The following EIF3A variants were observed in gnomAD, a reference collection of about 807,000 sequenced individuals.
EIF3A encodes eukaryotic translation initiation factor 3 subunit A, also known as EIF3, p180 subunit.
In EIF3A, 21 loss-of-function variants were observed where a neutral mutation model predicts 186.6. The ratio of observed to expected loss-of-function variants is 0.11; its 90% CI spans 0.08 to 0.16. The LOEUF is 0.16. Among genes scored for constraint, EIF3A ranks in the 10% least tolerant of loss-of-function variants. The pLI is 1.00. For missense variants in EIF3A, 1,306 were observed against 1,796.3 expected (o/e 0.73, Z 4.93); for synonymous variants, 563 against 584.3 (o/e 0.96, Z 0.52).
intron 14 of EIF3A, among the ~76,000 whole-genome samples, chr10:119,052,012 G>A (rs1848363013): frequency 6.6e-6 from 1 of 152,172 alleles, no homozygotes; most frequent in South Asian, 2.1e-4. Flanking sequence ...ACTAAAGGAT[G>A]GGGTGACTAT....
In EIF3A at chr10:119,037,391, G is replaced by T. The variant is rs140533751; in HGVS notation, c.3729-82C>A. 5.2e-4 allele frequency: 647 copies of T among 1,253,832 alleles called. 2 individuals carry two copies. In the African/African-American group the frequency reaches 8.5e-3, roughly 16 times the overall value. The allele number at this position is 1,253,832 out of a possible 1,614,324, so 77.7% of individuals were successfully genotyped here. ...ATAAGTACATCCAGTCCAAGCTGGGGCTTAGAGTTTACAAATATAACAGAC... is the reference window on the plus strand; with the variant it reads ...ATAAGTACATCCAGTCCAAGCTGGGTCTTAGAGTTTACAAATATAACAGAC... On this transcript the variant is annotated intron_variant, in intron 20 of 21. Coordinates refer to ENST00000369144, the MANE Select transcript of EIF3A (RefSeq NM_003750.4).
In EIF3A at chr10:119,065,475, A is replaced by C. The variant is rs750814731; in HGVS notation, c.1046T>G (p.Val349Gly). 68 of 1,613,552 alleles carry C rather than the reference A, an allele frequency of 4.2e-5. No homozygotes were observed. The highest frequency in any genetic ancestry group is 5.7e-5 in the Non-Finnish European group (67 of 1,179,588). ...ARLLDMDGII[V>G]EKQRRLATLL... Reference sequence around the variant, plus strand: ...TGTTGCAAGGCGACGCTGTTTTTCAACTATAATGCCATCCATATCCAGAAG... The same window carrying C: ...TGTTGCAAGGCGACGCTGTTTTTCACCTATAATGCCATCCATATCCAGAAG... The change falls in exon 7 of 22, where the codon GTT becomes GGT. Residue 349 changes from valine (V) to glycine (G), a missense_variant. Transcript: ENST00000369144.
intron 14 of EIF3A, among the ~76,000 whole-genome samples, chr10:119,055,807 A>G (rs969952477): frequency 1.3e-5 from 2 of 152,242 alleles, no homozygotes; most frequent in Admixed American, 1.3e-4. Flanking sequence ...AGGCATTTTC[A>G]TCCTTAAAAA....
chr10:119,067,645 G>A (rs540302418), intron 6 of EIF3A, among the ~76,000 whole-genome samples: 1 of 152,174 alleles, frequency 6.6e-6, no homozygotes, highest in East Asian at 1.9e-4. Context: ...ACAAAGAAGA[G>A]AAAGAAAGAA....
chr10:119,060,722 C>G (rs1310905675), intron 9 of EIF3A, 24 bp downstream of exon 9: 1 of 1,568,544 alleles, frequency 6.4e-7, no homozygotes, highest in Non-Finnish European at 8.6e-7. Flanking sequence ...CATCACAAAA[C>G]TTTTTTTATT....
intron 19 of EIF3A, among the ~76,000 whole-genome samples, chr10:119,038,722 G>A (rs1018928931): frequency 6.6e-6 from 1 of 152,056 alleles, no homozygotes. Context: ...TCAGGAATTC[G>A]AGACCAGCCT....
chr10:119,036,693 G>A (rs1353210295), intron 21 of EIF3A, among the ~76,000 whole-genome samples: 1 of 152,026 alleles, frequency 6.6e-6, no homozygotes, highest in East Asian at 1.9e-4. Context: ...ATAACAGGAT[G>A]TCAAGACATA....
chr10:119,046,146 T>A (rs1247619601), intron 17 of EIF3A, among the ~76,000 whole-genome samples: 5 of 152,110 alleles, frequency 3.3e-5, no homozygotes, highest in Admixed American at 6.6e-5. Context: ...AAACACAGTC[T>A]TAGGGACAGT....
chr10:119,073,423 G>C lies in EIF3A; in HGVS notation c.377+18C>G, dbSNP rs775404400. Reference sequence around the variant, plus strand: ...AAGTTAACTATCAAAGCATTTATTAGAGGTCTAACCCACATACCTCTCAGG... The same window carrying C: ...AAGTTAACTATCAAAGCATTTATTACAGGTCTAACCCACATACCTCTCAGG... On this transcript the variant is annotated intron_variant, in intron 3 of 21. Transcript: ENST00000369144. 2 of 1,541,000 alleles carry C rather than the reference G, an allele frequency of 1.3e-6. No individual in the cohort carries two copies. The highest frequency in any genetic ancestry group is 8.8e-7 in the Non-Finnish European group (1 of 1,132,456).
Position 119,035,983 on chromosome 10 carries a change from C to G in EIF3A, c.*56G>C. 1 of 1,305,380 alleles carries G rather than the reference C, an allele frequency of 7.7e-7. No homozygotes were observed. The highest frequency in any genetic ancestry group is 1.7e-5 in the Admixed American group (1 of 58,502). The allele number at this position is 1,305,380 out of a possible 1,614,324, so 80.9% of individuals were successfully genotyped here. On this transcript the variant is annotated 3_prime_UTR_variant, in exon 22 of 22. Transcript: ENST00000369144. ...TTGGTTGAAGCACAAGTATAATAAT[C>G]CTTGAATGTGATCAAACCTATTTAA...
chr10:119,051,328 G>T lies in EIF3A; in HGVS notation c.2197-7C>A. 6.4e-7 allele frequency: 1 copy of T among 1,565,714 alleles called. No individual in the cohort carries two copies. The highest frequency in any genetic ancestry group is 8.6e-7 in the Non-Finnish European group (1 of 1,162,636). On this transcript the variant is annotated splice_polypyrimidine_tract_variant and splice_region_variant and intron_variant, in intron 14 of 21. Transcript: ENST00000369144. Reference sequence around the variant, plus strand: ...CTAGCTGCATTGTAGTAATCTGCAAGTACAAATATTGTGAAATTTCAATGC... The same window carrying T: ...CTAGCTGCATTGTAGTAATCTGCAATTACAAATATTGTGAAATTTCAATGC...
At chr10:119,076,315 A>C (rs560136995) in intron 1 of EIF3A, among the ~76,000 whole-genome samples, 4 of 51,508 alleles carry the variant, frequency 7.8e-5, no homozygotes. Flanking sequence ...CCTGGGCAAC[A>C]AGTCTCCAAA....
In EIF3A at chr10:119,042,579, CACG is replaced by C. The variant is rs1848225214; in HGVS notation, c.2938_2940del (p.Arg980del). ...CAGGAAGGCCGGTCATCGTCTGCCC[CACG>C]ACGAGAGAACCTATCTTCCTCAGGA... On this transcript the variant is annotated inframe_deletion, in exon 19 of 22. Coordinates refer to ENST00000369144, the MANE Select transcript of EIF3A (RefSeq NM_003750.4). This position sits in a 1 kb window ranked among gnomAD's most constrained non-coding sequence, Gnocchi z 7.8. 1 of 1,614,164 alleles carries C rather than the reference CACG, an allele frequency of 6.2e-7. No homozygotes were observed. Among genetic ancestry groups the C allele is most frequent in the Non-Finnish European group, 8.5e-7 (1 of 1,180,030 alleles).
Position 119,033,928 on chromosome 10 carries a change from G to C in EIF3A, c.*2111C>G, listed in dbSNP as rs1053785026. Reference sequence around the variant, plus strand: ...ACATAAAAACGTCCCACACGTTATAGATGCCAGCCACCTCCTGGTAGTCAC... The same window carrying C: ...ACATAAAAACGTCCCACACGTTATACATGCCAGCCACCTCCTGGTAGTCAC... On this transcript the variant is annotated 3_prime_UTR_variant, in exon 22 of 22. Transcript: ENST00000369144. 6.0e-6 allele frequency: 1 copy of C among 166,096 alleles called. No homozygotes were observed. The highest frequency in any genetic ancestry group is 1.5e-5 in the Non-Finnish European group (1 of 68,038). 10.3% of individuals were successfully genotyped at this position (166,096 alleles called of 1,614,324 possible). A position where few individuals can be genotyped will look rare whatever the true frequency, so the allele number is the denominator to read the frequency against.
intron 1 of EIF3A, among the ~76,000 whole-genome samples, chr10:119,077,918 A>G (rs1048582685): frequency 1.3e-5 from 2 of 152,166 alleles, no homozygotes; most frequent in African/African-American, 2.4e-5. Flanking sequence ...TGATAAACTA[A>G]AGGTTCTATT....
chr10:119,044,180 A>G, intron 17 of EIF3A, 38 bp from the exon 18 acceptor site: 2 of 1,367,210 alleles, frequency 1.5e-6, no homozygotes, highest in African/African-American at 2.9e-5. Flanking sequence ...TTACATTGGT[A>G]ACCATTTACT....
intron 9 of EIF3A, chr10:119,060,120 AG>A (rs1248991590): frequency 2.0e-6 from 1 of 505,868 alleles, no homozygotes; most frequent in South Asian, 1.5e-5. Flanking sequence ...AAAAGAAAGC[AG>A]GTCAATGAAA....
At chr10:119,050,134 G>T in intron 16 of EIF3A, 149 bp from the exon 17 acceptor site, 1 of 791,610 alleles carries the variant, frequency 1.3e-6, no homozygotes, top group Non-Finnish European at 2.0e-6. Flanking sequence ...ACAGAACATA[G>T]TCAAGAAAAT....
intron 18 of EIF3A, among the ~76,000 whole-genome samples, chr10:119,043,345 A>G (rs1002785085): frequency 6.6e-6 from 1 of 152,168 alleles, no homozygotes; most frequent in African/African-American, 2.4e-5. Context: ...CTTGGGAGGC[A>G]CAAGAATTGC....
Sources: allele counts gnomAD v4.1 joint callset (sites outside exome capture counted in the v4.1 genomes callset), GRCh38; gene constraint gnomAD v4.1.1; non-coding constraint Gnocchi (gnomAD v3.1); transcripts MANE v1.5; gene names NCBI Gene and HGNC (gene_info 2026-07-23, HGNC 2026-07-21).